The following FER variants were observed in gnomAD, a reference collection of about 807,000 sequenced individuals.
FER encodes FER tyrosine kinase.
A neutral mutation model predicts 111.0 loss-of-function variants in FER; 63 were observed. That is an observed-to-expected ratio of 0.57 (90% CI 0.46 to 0.70). The LOEUF (loss-of-function observed/expected upper bound fraction) is 0.70. Ranked by LOEUF, FER falls within the 30% of genes least tolerant of loss-of-function variation. The probability of loss-of-function intolerance (pLI) is 0.00; values close to 1 mark genes in which losing one functional copy is unlikely to be tolerated. For missense variants in FER, 914 were observed against 954.0 expected (o/e 0.96, Z 0.55); for synonymous variants, 327 against 313.9 (o/e 1.04, Z -0.44).
intron 17 of FER, among the ~76,000 whole-genome samples, chr5:109,117,975 C>A (rs1325794843): frequency 1.4e-4 from 21 of 152,014 alleles, no homozygotes; most frequent in Non-Finnish European, 2.4e-4. Flanking sequence ...TTGACTTCCT[C>A]TTTTCCTAAT....
intron 17 of FER, among the ~76,000 whole-genome samples, chr5:109,155,992 G>GTT (rs1417418827): frequency 6.6e-6 from 1 of 151,834 alleles, no homozygotes; most frequent in Non-Finnish European, 1.5e-5. Flanking sequence ...ATAAGAGAAA[G>GTT]TTTTTTTAAA....
chr5:109,047,733 C>A (rs1581788806), intron 16 of FER, among the ~76,000 whole-genome samples: 1 of 152,282 alleles, frequency 6.6e-6, no homozygotes, highest in African/African-American at 2.4e-5. Context: ...CAGCACCCTG[C>A]AAAACCTCTT....
In FER at chr5:108,825,662, C is replaced by T. The variant is rs1400490949; in HGVS notation, c.208-7108C>T. Among the ~76,000 whole-genome samples the T allele has an allele frequency of 3.3e-5, 5 of 152,298 alleles. No homozygotes were observed. The East Asian group carries it at 9.6e-4, about 29-fold the overall frequency. ...AAGTAAAGACAGGCATAGGAAATCACAAGGGTATTGATTGGGGAAGTGATA... is the reference window on the plus strand; with the variant it reads ...AAGTAAAGACAGGCATAGGAAATCATAAGGGTATTGATTGGGGAAGTGATA... On this transcript the variant is annotated intron_variant, in intron 3 of 19. Transcript: ENST00000281092.
At chr5:108,838,324 T>G (rs1187454792) in intron 5 of FER, among the ~76,000 whole-genome samples, 1 of 152,158 alleles carries the variant, frequency 6.6e-6, no homozygotes, top group East Asian at 1.9e-4. Flanking sequence ...CAATAGCTAC[T>G]CAGATATTTG....
intron 13 of FER, among the ~76,000 whole-genome samples, chr5:108,962,624 T>C (rs979753518): frequency 1.3e-5 from 2 of 152,236 alleles, no homozygotes; most frequent in Non-Finnish European, 2.9e-5. Flanking sequence ...TCAATAAATA[T>C]TTGTTAGAGG....
chr5:108,983,932 TTCTC>T (rs949391773), intron 13 of FER, among the ~76,000 whole-genome samples: 18 of 133,232 alleles, frequency 1.4e-4, no homozygotes, highest in Non-Finnish European at 1.1e-4. Context: ...CTCTCTCTCT[TTCTC>T]TCTGCTTTCT....
chr5:108,961,112 A>G (rs7719638), intron 13 of FER, among the ~76,000 whole-genome samples: 1 of 152,090 alleles, frequency 6.6e-6, no homozygotes, highest in Admixed American at 6.6e-5. Context: ...TGTATGCTTA[A>G]TTATTCATGT....
rs1353786122 is a variant in FER, at chr5:108,785,192, A to G, written c.-59-12932A>G. 4.8e-6 allele frequency: 3 copies of G among 625,478 alleles called. No individual in the cohort carries two copies. The East Asian group carries it at 1.1e-4, about 24-fold the overall frequency. The allele number at this position is 625,478 out of a possible 1,614,324, so 38.7% of individuals were successfully genotyped here. On this transcript the variant is annotated intron_variant, in intron 2 of 19. Transcript: ENST00000281092. ...CATTGGCCACACAGGTTATCTGAAC[A>G]CTGTGACTATGTCTCCAAATGGATC...
At chr5:109,083,279 T>C (rs1288312308) in intron 16 of FER, among the ~76,000 whole-genome samples, 1 of 152,110 alleles carries the variant, frequency 6.6e-6, no homozygotes, top group South Asian at 2.1e-4. Context: ...TTTTTCATTC[T>C]GTGTGTAACA....
In FER at chr5:108,824,412, ATTCT is replaced by A. The variant is rs377609000; in HGVS notation, c.208-8354_208-8351del. Among the ~76,000 whole-genome samples the A allele has an allele frequency of 2.4e-3, 372 of 152,170 alleles. 1 individual carries two copies. The highest frequency in any genetic ancestry group is 3.0e-3 in the Non-Finnish European group (203 of 67,988). On this transcript the variant is annotated intron_variant, in intron 3 of 19. Transcript: ENST00000281092. ...GGGTGGTATGGATATTTTAATGATC[ATTCT>A]TTCAATTCATGAACGTAAACATATT... is the stretch of plus-strand genomic sequence containing the variant.
chr5:108,802,540 A>G (rs1411089111), intron 3 of FER, among the ~76,000 whole-genome samples: 1 of 150,888 alleles, frequency 6.6e-6, no homozygotes. Context: ...TGTAGTGCCC[A>G]TTGTTTCCAT....
At chr5:108,997,592 T>A (rs1490797748) in intron 13 of FER, among the ~76,000 whole-genome samples, 2 of 151,718 alleles carry the variant, frequency 1.3e-5, no homozygotes, top group African/African-American at 4.8e-5. Context: ...TCAATAGGAG[T>A]GATGAGAGAC....
At chr5:108,905,385 T>A (rs1442968306) in intron 10 of FER, among the ~76,000 whole-genome samples, 1 of 152,160 alleles carries the variant, frequency 6.6e-6, no homozygotes, top group African/African-American at 2.4e-5. Flanking sequence ...ATTTCTTAAT[T>A]TCTTAGCATA....
At chr5:109,058,618 A>G (rs1024249219) in intron 16 of FER, among the ~76,000 whole-genome samples, 16 of 151,836 alleles carry the variant, frequency 1.1e-4, no homozygotes, top group African/African-American at 3.6e-4. Flanking sequence ...GTCTTATACA[A>G]GTTATATATA....
chr5:109,113,608 A>G (rs754556373), intron 17 of FER, among the ~76,000 whole-genome samples: 101 of 152,284 alleles, frequency 6.6e-4, no homozygotes, highest in Non-Finnish European at 1.2e-3. Context: ...TTATGTGTCC[A>G]TGCATACACA....
At chr5:108,998,791 A>G (rs1045912227) in intron 13 of FER, among the ~76,000 whole-genome samples, 2 of 152,246 alleles carry the variant, frequency 1.3e-5, no homozygotes, top group Non-Finnish European at 2.9e-5. Context: ...CCAGCCTTGC[A>G]TCACAGGGTG....
intron 17 of FER, among the ~76,000 whole-genome samples, chr5:109,120,076 C>T (rs191675004): frequency 1.7e-3 from 251 of 152,026 alleles, no homozygotes; most frequent in African/African-American, 5.8e-3. Flanking sequence ...ATTATCTCTT[C>T]ACTTTATTTT....
rs546120896 is a variant in FER at position 109,088,392 on chromosome 5, A to G, written c.1925-12004A>G. Among the ~76,000 whole-genome samples, 10 of 152,188 alleles carry G rather than the reference A, an allele frequency of 6.6e-5. No homozygotes were observed. In the South Asian group the frequency reaches 1.9e-3, roughly 28 times the overall value. On this transcript the variant is annotated intron_variant, in intron 16 of 19. Coordinates refer to ENST00000281092, the MANE Select transcript of FER (RefSeq NM_005246.4). Reference sequence around the variant, plus strand: ...AATTATTTAATCATTTTTTAAAAAGATGGAATGTTATTTCTGATAATCAAT... The same window carrying G: ...AATTATTTAATCATTTTTTAAAAAGGTGGAATGTTATTTCTGATAATCAAT...
chr5:109,060,715 A>G (rs190477849), intron 16 of FER, among the ~76,000 whole-genome samples: 285 of 151,680 alleles, frequency 1.9e-3, no homozygotes, highest in African/African-American at 6.5e-3. Flanking sequence ...AAAAAATAAG[A>G]TTGTTATTAA....
Sources: allele counts gnomAD v4.1 joint callset (sites outside exome capture counted in the v4.1 genomes callset), GRCh38; gene constraint gnomAD v4.1.1; transcripts MANE v1.5; gene names NCBI Gene and HGNC (gene_info 2026-07-23, HGNC 2026-07-21).